MEIOB: variants seen among roughly 807,000 people sequenced by gnomAD.
The protein encoded by MEIOB is meiosis-specific with OB domain-containing protein.
Under a neutral mutation model 53.1 loss-of-function variants are expected in MEIOB, and 50 were observed. That is an observed-to-expected ratio of 0.94 (90% confidence interval 0.75 to 1.19). The LOEUF (loss-of-function observed/expected upper bound fraction) is 1.19, where lower values mean the gene tolerates loss of function less well. Among genes scored for constraint, MEIOB ranks in the 50% most tolerant of loss-of-function variants. The pLI, the probability that MEIOB is intolerant of heterozygous loss-of-function variation, is 0.00. For synonymous variants in MEIOB, 192 were observed against 182.5 expected (o/e 1.05, Z -0.42); for missense variants, 551 against 550.8 (o/e 1.00, Z 0.00).
intron 11 of MEIOB, 183 bp from the exon 12 acceptor site, chr16:1,839,621 T>C: frequency 1.9e-6 from 1 of 539,066 alleles, no homozygotes; most frequent in Non-Finnish European, 3.2e-6. Context: ...TACGCAGCCA[T>C]TCTCAGGAGT....
chr16:1,855,931 CTTT>C (rs34688365), intron 6 of MEIOB, among the ~76,000 whole-genome samples: 68 of 131,236 alleles, frequency 5.2e-4, no homozygotes, highest in African/African-American at 7.8e-4. Context: ...GTGTTTTTTC[CTTT>C]TTTTTTTTTT....
rs560949270 is a variant in MEIOB at position 1,847,675 on chromosome 16, A to T, written c.779-2712T>A. Among the ~76,000 whole-genome samples the T allele has an allele frequency of 2.0e-5, 3 of 152,214 alleles. No individual in the cohort carries two copies. In the East Asian group the frequency reaches 5.8e-4, roughly 29 times the overall value. ...AGAAAGAAGGAACTACTTTGTGATT[A>T]CTTTAATATGACCTACTGATCAGAA... On this transcript the variant is annotated intron_variant, in intron 9 of 13. Transcript: ENST00000325962.
chr16:1,855,931 C>CTTTTTTTTTTTTTTTTTTTT (rs34688365), intron 6 of MEIOB, among the ~76,000 whole-genome samples: 1 of 131,276 alleles, frequency 7.6e-6, no homozygotes, highest in African/African-American at 2.8e-5. Flanking sequence ...GTGTTTTTTC[C>CTTTTTTTTTTTTTTTTTTTT]TTTTTTTTTT....
rs561554700 is a variant in MEIOB, at chr16:1,835,081, C to T, written c.1306-715G>A. Among the ~76,000 whole-genome samples, 39 of 152,078 alleles carry T rather than the reference C, an allele frequency of 2.6e-4. 1 individual carries two copies. In the South Asian group the frequency reaches 6.2e-3, roughly 24 times the overall value. On this transcript the variant is annotated intron_variant, in intron 13 of 13. Coordinates refer to ENST00000325962, the MANE Select transcript of MEIOB (RefSeq NM_001163560.3). ...ACCAGCCTGGCCAATAAAGTGAAAC[C>T]CTGTCTCTACTAAAAATATAAAAAT... is the stretch of plus-strand genomic sequence containing the variant.
chr16:1,869,504 GT>G (rs1347176927), intron 1 of MEIOB, among the ~76,000 whole-genome samples: 4 of 151,898 alleles, frequency 2.6e-5, no homozygotes, highest in African/African-American at 9.7e-5. Context: ...CTGGAGTGCA[GT>G]GGTGCAATCT....
At chr16:1,864,116 C>T (rs936676029) in intron 3 of MEIOB, among the ~76,000 whole-genome samples, 8 of 152,192 alleles carry the variant, frequency 5.3e-5, no homozygotes, top group Non-Finnish European at 1.2e-4. Context: ...CACATTGCTG[C>T]ACTCCAGGCT....
chr16:1,839,200 G>GA, intron 12 of MEIOB, 55 bp downstream of exon 12: 1 of 1,470,894 alleles, frequency 6.8e-7, no homozygotes, highest in Non-Finnish European at 9.0e-7. Flanking sequence ...ATTTTTTTGG[G>GA]AAAAAGCATT....
chr16:1,854,478 C>T lies in MEIOB; in HGVS notation c.529-278G>A, dbSNP rs1027432552. On this transcript the variant is annotated intron_variant, in intron 6 of 13. Transcript: ENST00000325962. Reference sequence around the variant, plus strand: ...TTTTTAACATGTCACAACAAAGCTCCATGACAGGCCCCTCTGGGGCATCTA... The same window carrying T: ...TTTTTAACATGTCACAACAAAGCTCTATGACAGGCCCCTCTGGGGCATCTA... Among the ~76,000 whole-genome samples the T allele has an allele frequency of 2.0e-5, 3 of 152,328 alleles. No individual in the cohort carries two copies. The South Asian group carries it at 6.2e-4, about 32-fold the overall frequency.
Position 1,834,382 on chromosome 16 carries a change from G to A in MEIOB, c.1306-16C>T. ...ATAGAACGAACTGCGAGGAGAAACA[G>A]AAAAAGAGACAAAAGGTTAATTTTT... is the stretch of plus-strand genomic sequence containing the variant. On this transcript the variant is annotated splice_polypyrimidine_tract_variant and intron_variant, in intron 13 of 13. Coordinates refer to ENST00000325962, the MANE Select transcript of MEIOB (RefSeq NM_001163560.3). 7.3e-7 allele frequency: 1 copy of A among 1,364,942 alleles called. No homozygotes were observed. 84.6% of individuals were successfully genotyped at this position (1,364,942 alleles called of 1,614,324 possible). A position where few individuals can be genotyped will look rare whatever the true frequency, so the allele number is the denominator to read the frequency against.
chr16:1,852,510 C>T (rs1282784295), intron 9 of MEIOB, among the ~76,000 whole-genome samples: 2 of 151,622 alleles, frequency 1.3e-5, no homozygotes, highest in African/African-American at 4.8e-5. Context: ...AGCAGCCCAC[C>T]TTGGCCTCCC....
intron 6 of MEIOB, among the ~76,000 whole-genome samples, chr16:1,857,403 G>T (rs963161983): frequency 6.6e-6 from 1 of 152,154 alleles, no homozygotes; most frequent in Non-Finnish European, 1.5e-5. Context: ...GGAAGGTCAT[G>T]GAGATTTTCG....
At chr16:1,852,424 G>A (rs980131177) in intron 9 of MEIOB, among the ~76,000 whole-genome samples, 2 of 151,002 alleles carry the variant, frequency 1.3e-5, no homozygotes, top group Non-Finnish European at 2.9e-5. Context: ...TTTTACGCTC[G>A]GCTAATTTTT....
chr16:1,850,074 T>C (rs1335596265), intron 9 of MEIOB, among the ~76,000 whole-genome samples: 1 of 152,194 alleles, frequency 6.6e-6, no homozygotes, highest in South Asian at 2.1e-4. Context: ...CTCAAAATAC[T>C]TTGACATTTT....
At chr16:1,852,257 T>C (rs75168713) in intron 9 of MEIOB, among the ~76,000 whole-genome samples, 1 of 13,558 alleles carries the variant, frequency 7.4e-5, no homozygotes, top group African/African-American at 2.7e-4. Flanking sequence ...TTTTTCACTT[T>C]TTTTTTTTTT....
At position 1,853,148 on chromosome 16, in the gene MEIOB, A is replaced by G; in HGVS notation, c.683-14T>C. ...AGGCAAATATTACTGTTTGGGAAAA[A>G]AGCCATTTAAAATTATTACATGGGA... On this transcript the variant is annotated splice_polypyrimidine_tract_variant and intron_variant, in intron 8 of 13. Transcript: ENST00000325962. 1 of 1,598,894 alleles carries G rather than the reference A, an allele frequency of 6.3e-7. No individual in the cohort carries two copies. The highest frequency in any genetic ancestry group is 8.6e-7 in the Non-Finnish European group (1 of 1,169,062).
At chr16:1,868,206 TTA>T in intron 1 of MEIOB, 22 bp from the exon 2 acceptor site, 1 of 1,241,520 alleles carries the variant, frequency 8.1e-7, no homozygotes, top group Non-Finnish European at 1.1e-6. Flanking sequence ...AAAATATAAT[TTA>T]GATATATAAA....
chr16:1,861,535 C>CTTTTT (rs59561016), intron 4 of MEIOB, among the ~76,000 whole-genome samples: 15 of 89,126 alleles, frequency 1.7e-4, no homozygotes, highest in South Asian at 4.3e-4. Flanking sequence ...GCATTGCAGT[C>CTTTTT]TTTTTTTTTT....
intron 3 of MEIOB, among the ~76,000 whole-genome samples, chr16:1,864,488 T>A (rs72762902): frequency 8.8e-6 from 1 of 113,258 alleles, no homozygotes; most frequent in Non-Finnish European, 1.8e-5. Flanking sequence ...TTTTCTTTTC[T>A]TTTTTTTTTT....
At chr16:1,858,319 CTG>C (rs1409090383) in intron 5 of MEIOB, among the ~76,000 whole-genome samples, 1 of 152,156 alleles carries the variant, frequency 6.6e-6, no homozygotes, top group African/African-American at 2.4e-5. Flanking sequence ...AGGTCAGGGA[CTG>C]TGTTTTTCCT....
Sources: gnomAD v4.1 joint callset for allele counts (sites outside exome capture counted in the v4.1 genomes callset) on GRCh38, gnomAD v4.1.1 for gene constraint, MANE v1.5 for transcripts, NCBI Gene and HGNC (gene_info 2026-07-23, HGNC 2026-07-21) for gene names.